Variants in RUSF1 observed in about 807,000 individuals in gnomAD.
RUSF1 encodes RUS1 family protein C16orf58.
A neutral mutation model predicts 63.0 loss-of-function variants in RUSF1; 58 were observed. That is an observed-to-expected ratio of 0.92 (90% CI 0.75 to 1.15). The LOEUF (loss-of-function observed/expected upper bound fraction) is 1.15. RUSF1 is among the 50% of genes most tolerant of loss of function. The pLI is 0.00. For missense variants in RUSF1, 652 were observed against 611.0 expected, an observed-to-expected ratio of 1.07 and a Z score of -0.71; for synonymous variants, 274 against 255.8, an observed-to-expected ratio of 1.07 and a Z score of -0.68.
At position 31,499,541 on chromosome 16, in the gene RUSF1, G is replaced by C. The variant is rs757521207; in HGVS notation, c.462-16C>G. ...CAGTTTGCTCCTGTTGGGGAGGAGA[G>C]GTTGTTGTAATTTGGACTTAAGGAG... On this transcript the variant is annotated splice_polypyrimidine_tract_variant and intron_variant, in intron 3 of 12. Coordinates refer to ENST00000327237, the MANE Select transcript of RUSF1 (RefSeq NM_022744.4). The C allele has an allele frequency of 1.9e-6, 3 of 1,596,372 alleles. No individual in the cohort carries two copies. The Admixed American group carries it at 5.1e-5, about 27-fold the overall frequency.
intron 12 of RUSF1, 152 bp downstream of exon 12, chr16:31,491,857 C>T: frequency 3.8e-6 from 3 of 791,214 alleles, no homozygotes; most frequent in Non-Finnish European, 6.0e-6. Context: ...CTTAGGCCTC[C>T]CAAGGCACTA....
chr16:31,502,475 C>T lies in RUSF1; in HGVS notation c.416-1744G>A, dbSNP rs572364079. Among the ~76,000 whole-genome samples the T allele has an allele frequency of 5.3e-5, 8 of 152,270 alleles. No individual in the cohort carries two copies. In the South Asian group the frequency reaches 1.5e-3, roughly 28 times the overall value. The stretch of plus-strand genomic sequence containing the variant: ...GATCATTCCCCTTCACTAAGGCTCC[C>T]ATTAAATCGGTGAATAAAATTGAGG... On this transcript the variant is annotated intron_variant, in intron 2 of 12. Coordinates refer to ENST00000327237, the MANE Select transcript of RUSF1 (RefSeq NM_022744.4).
At position 31,490,030 on chromosome 16, in the gene RUSF1, G is replaced by A; in HGVS notation, c.*805C>T. ...TGGGTAGGGCAGGCAGTGACGAGCT[G>A]GTGTGCAAGAGACTTTAGGGCCAGG... On this transcript the variant is annotated 3_prime_UTR_variant, in exon 13 of 13. Transcript: ENST00000327237. 2.5e-6 allele frequency: 4 copies of A among 1,598,264 alleles called. No homozygotes were observed. Among genetic ancestry groups the A allele is most frequent in the Non-Finnish European group, 3.4e-6 (4 of 1,170,724 alleles).
At chr16:31,493,359 A>C (rs2082583962) in intron 9 of RUSF1, 108 bp downstream of exon 9, 12 of 1,388,590 alleles carry the variant, frequency 8.6e-6, no homozygotes, top group Non-Finnish European at 1.2e-5. Flanking sequence ...GCAGCAATGA[A>C]GAACCCAGGA....
chr16:31,494,555 T>C (rs915612694), intron 6 of RUSF1, among the ~76,000 whole-genome samples: 3 of 151,970 alleles, frequency 2.0e-5, no homozygotes, highest in African/African-American at 7.2e-5. Flanking sequence ...ATTGCACCAC[T>C]GTACTCCAGC....
Position 31,493,524 on chromosome 16 carries a change from C to T in RUSF1, c.959G>A (p.Gly320Asp). 2 of 1,613,934 alleles carry T rather than the reference C, an allele frequency of 1.2e-6. No homozygotes were observed. The highest frequency in any genetic ancestry group is 1.7e-6 in the Non-Finnish European group (2 of 1,179,914). Residue 320 changes from glycine to aspartate, a missense_variant and splice_region_variant, in exon 9 of 13, where the codon GGT becomes GAT. Coordinates refer to ENST00000327237, the MANE Select transcript of RUSF1 (RefSeq NM_022744.4). ...AANRMEPLWT[G>D]FWPAPSLSLG... ...GGATAGAGACGGAGCTGGCCAGAAA[C>T]CTGTGGGAAGCTGGGGTCAGGATGC... is the stretch of plus-strand genomic sequence containing the variant.
At chr16:31,499,156 G>T in intron 5 of RUSF1, 146 bp downstream of exon 5, 1 of 743,604 alleles carries the variant, frequency 1.3e-6, no homozygotes, top group Non-Finnish European at 2.3e-6. Context: ...CTGGAGGAGG[G>T]TCAGAAAGGA....
intron 6 of RUSF1, among the ~76,000 whole-genome samples, chr16:31,496,617 G>A (rs1449992981): frequency 6.6e-6 from 1 of 152,226 alleles, no homozygotes; most frequent in African/African-American, 2.4e-5. Context: ...GGGGTCTGAA[G>A]AGGGCAAGGC....
At position 31,489,679 on chromosome 16, in the gene RUSF1, C is replaced by G. The variant is rs2082542473; in HGVS notation, c.*1156G>C. On this transcript the variant is annotated 3_prime_UTR_variant, in exon 13 of 13. Transcript: ENST00000327237. ...GGTTTTGTTGCCAAAGGGCAGGTGG[C>G]TCCAGGCAGGGCTGATGGTGGCAGG... The G allele has an allele frequency of 2.1e-6, 1 of 474,442 alleles. No individual in the cohort carries two copies. Among genetic ancestry groups the G allele is most frequent in the South Asian group, 2.1e-5 (1 of 47,178 alleles). The allele number at this position is 474,442 out of a possible 1,614,324, so 29.4% of individuals were successfully genotyped here.
intron 3 of RUSF1, among the ~76,000 whole-genome samples, chr16:31,499,985 C>T (rs1241593165): frequency 2.0e-5 from 3 of 152,144 alleles, no homozygotes; most frequent in Non-Finnish European, 4.4e-5. Flanking sequence ...GGATCACACG[C>T]AGAGTTGGGG....
rs759405328 is a variant in RUSF1, at chr16:31,493,002, G to C, written c.1063C>G (p.Leu355Val). 1 of 1,613,498 alleles carries C rather than the reference G, an allele frequency of 6.2e-7. No homozygotes were observed. Among genetic ancestry groups the C allele is most frequent in the Non-Finnish European group, 8.5e-7 (1 of 1,179,580 alleles). Residue 355 changes from leucine (L) to valine (V), a missense_variant, in exon 10 of 13, where the codon CTC becomes GTC. Physicochemically the swap from Leu to Val is conservative, Grantham distance 32. Transcript: ENST00000327237. ...CTTTGTGACTGGTCCCAGCAGAGGA[G>C]GTAGGATTCTTGGTGCCCCTCAACC... ...QLVEGHQESY[L>V]LCWDQSQNQV... is the part of the protein sequence containing the mutation.
chr16:31,494,082 G>C, intron 6 of RUSF1, 146 bp from the exon 7 acceptor site: 3 of 883,682 alleles, frequency 3.4e-6, no homozygotes, highest in South Asian at 3.3e-5. Context: ...TTTTTGGTGG[G>C]TGAAATGTCA....
At chr16:31,497,081 G>C in intron 5 of RUSF1, 131 bp from the exon 6 acceptor site, 1 of 681,138 alleles carries the variant, frequency 1.5e-6, no homozygotes, top group Non-Finnish European at 2.5e-6. Flanking sequence ...TTCTCACCTT[G>C]ATGCCCCCTA....
Position 31,490,824 on chromosome 16 carries a change from G to A in RUSF1, c.*11C>T, listed in dbSNP as rs372963246. ...GTTCCTGCCCTGGGCTTGGGCCTCCGTCTGGGCTGCTCACAAGACCTTCTT... is the reference window on the plus strand; with the variant it reads ...GTTCCTGCCCTGGGCTTGGGCCTCCATCTGGGCTGCTCACAAGACCTTCTT... On this transcript the variant is annotated 3_prime_UTR_variant, in exon 13 of 13. Transcript: ENST00000327237. 26 of 1,613,802 alleles carry A rather than the reference G, an allele frequency of 1.6e-5. No homozygotes were observed. Among genetic ancestry groups the A allele is most frequent in the Middle Eastern group, 1.6e-4 (1 of 6,082 alleles).
At chr16:31,496,809 C>A (rs1417424255) in intron 6 of RUSF1, 40 bp downstream of exon 6, 2 of 1,489,716 alleles carry the variant, frequency 1.3e-6, no homozygotes, top group African/African-American at 1.4e-5. Flanking sequence ...CTCCCCTTCC[C>A]CTCCCCACTC....
At chr16:31,494,773 G>A (rs2082593588) in intron 6 of RUSF1, among the ~76,000 whole-genome samples, 2 of 151,612 alleles carry the variant, frequency 1.3e-5, no homozygotes, top group Non-Finnish European at 2.9e-5. Context: ...GTGCAGTGGT[G>A]CAATCATAAC....
intron 2 of RUSF1, 56 bp from the exon 3 acceptor site, chr16:31,500,787 C>T (rs1170008512): frequency 1.3e-6 from 2 of 1,550,454 alleles, no homozygotes; most frequent in Non-Finnish European, 1.8e-6. Context: ...AGCTGTGGGG[C>T]CTGGCAGACC....
chr16:31,493,885 G>A lies in RUSF1; in HGVS notation c.754C>T (p.Leu252=). The change falls in exon 7 of 13, where the codon CTG becomes TTG. Residue 252 remains leucine (L), a synonymous_variant. Transcript: ENST00000327237. Reference sequence around the variant, plus strand: ...GCTTACCCAGGGCAACCTGACACCAGAGGGAGCATCAGGAGGCTGACCAAG... The same window carrying A: ...GCTTACCCAGGGCAACCTGACACCAAAGGGAGCATCAGGAGGCTGACCAAG... ...GLLVSLLMLP[L]VSGCPGFSLG... 1 of 1,614,216 alleles carries A rather than the reference G, an allele frequency of 6.2e-7. No homozygotes were observed. Among genetic ancestry groups the A allele is most frequent in the Non-Finnish European group, 8.5e-7 (1 of 1,180,038 alleles).
chr16:31,492,013 C>G lies in RUSF1; in HGVS notation c.1305G>C (p.Leu435Phe). 3.7e-6 allele frequency: 6 copies of G among 1,614,158 alleles called. No individual in the cohort carries two copies. The highest frequency in any genetic ancestry group is 5.1e-6 in the Non-Finnish European group (6 of 1,179,990). Residue 435 changes from leucine (L) to phenylalanine (F), a missense_variant, in exon 12 of 13, where the codon TTG (leucine) becomes TTC (phenylalanine). Coordinates refer to ENST00000327237, the MANE Select transcript of RUSF1 (RefSeq NM_022744.4). Reference sequence around the variant, plus strand: ...CCATGGGCTGAGGGATGTTACCTTTCAAGAACTTTGGGAACAGCATGTCCA... The same window carrying G: ...CCATGGGCTGAGGGATGTTACCTTTGAAGAACTTTGGGAACAGCATGTCCA... ...EVLDMLFPKFLKGLQDAGWKT... is the reference protein window; with the variant it reads ...EVLDMLFPKFFKGLQDAGWKT...
Sources: allele counts gnomAD v4.1 joint callset (sites outside exome capture counted in the v4.1 genomes callset), GRCh38; gene constraint gnomAD v4.1.1; transcripts MANE v1.5; gene names NCBI Gene and HGNC (gene_info 2026-07-23, HGNC 2026-07-21).